ITPKA: variants seen among roughly 807,000 people sequenced by gnomAD.
The protein encoded by ITPKA is IP3 3-kinase A.
In ITPKA, 16 loss-of-function variants were observed where a neutral mutation model predicts 40.7. The ratio of observed to expected loss-of-function variants is 0.39; its 90% CI spans 0.27 to 0.60. The LOEUF (loss-of-function observed/expected upper bound fraction) is 0.60, where lower values mean the gene tolerates loss of function less well. Ranked by LOEUF, ITPKA falls within the 20% of genes least tolerant of loss-of-function variation. ITPKA has a pLI of 0.50. For missense variants in ITPKA, 540 were observed against 649.3 expected (o/e 0.83, Z 1.83); for synonymous variants, 313 against 289.9 (o/e 1.08, Z -0.81).
chr15:41,494,350 G>C lies in ITPKA; in HGVS notation c.423G>C (p.Leu141=), dbSNP rs1222655513. ...SSLLEDSEDD[L]LSDSESRSRG... ...TGCTCGAGGACTCGGAGGACGACCTGCTGAGCGACAGTGAGAGCCGGAGCC... is the reference window on the plus strand; with the variant it reads ...TGCTCGAGGACTCGGAGGACGACCTCCTGAGCGACAGTGAGAGCCGGAGCC... The change falls in exon 1 of 7, where the codon CTG becomes CTC. Residue 141 remains leucine (L), a synonymous_variant. Transcript: ENST00000260386. The surrounding 1 kb of genome is among the most constrained non-coding windows in gnomAD (Gnocchi z 7.8). The C allele has an allele frequency of 6.6e-7, 1 of 1,522,392 alleles. No individual in the cohort carries two copies. The highest frequency in any genetic ancestry group is 1.2e-5 in the South Asian group (1 of 81,574). The allele number at this position is 1,522,392 out of a possible 1,614,324, so 94.3% of individuals were successfully genotyped here. A position where few individuals can be genotyped will look rare whatever the true frequency, so the allele number is the denominator to read the frequency against.
At chr15:41,502,674 C>G in intron 5 of ITPKA, 114 bp from the exon 6 acceptor site, 1 of 1,094,144 alleles carries the variant, frequency 9.1e-7, no homozygotes, top group Non-Finnish European at 1.3e-6. Flanking sequence ...GGCCCTGGGT[C>G]CTCCTCCTGG....
Position 41,501,741 on chromosome 15 carries a change from G to C in ITPKA, c.693G>C (p.Val231=). ...RLMADALRGC[V]PAFHGVVERD... ...TGGCTGACGCGCTGCGCGGCTGCGT[G>C]CCTGCCTTCCACGGCGTGGTGGAGC... is the stretch of plus-strand genomic sequence containing the variant. Residue 231 remains valine (V), a synonymous_variant, in exon 3 of 7, where the codon GTG becomes GTC. Transcript: ENST00000260386. 1 of 1,612,198 alleles carries C rather than the reference G, an allele frequency of 6.2e-7. No individual in the cohort carries two copies. The highest frequency in any genetic ancestry group is 8.5e-7 in the Non-Finnish European group (1 of 1,179,650).
At chr15:41,499,267 C>A (rs1214474071) in intron 1 of ITPKA, among the ~76,000 whole-genome samples, 1 of 152,186 alleles carries the variant, frequency 6.6e-6, no homozygotes, top group Non-Finnish European at 1.5e-5. Flanking sequence ...TCTGGCTACA[C>A]CCCCAGATCC....
At chr15:41,500,244 C>T (rs2051100637) in intron 1 of ITPKA, among the ~76,000 whole-genome samples, 2 of 152,244 alleles carry the variant, frequency 1.3e-5, no homozygotes, top group Admixed American at 6.5e-5. Context: ...CAGGCATGAG[C>T]CACCTCGCCC....
At position 41,501,292 on chromosome 15, in the gene ITPKA, C is replaced by A. The variant is rs1020058029; in HGVS notation, c.490-171C>A. The A allele has an allele frequency of 6.2e-5, 90 of 1,440,532 alleles. No homozygotes were observed. The African/African-American group carries it at 1.1e-3, about 18-fold the overall frequency. The allele number at this position is 1,440,532 out of a possible 1,614,324, so 89.2% of individuals were successfully genotyped here. A position where few individuals can be genotyped will look rare whatever the true frequency, so the allele number is the denominator to read the frequency against. On this transcript the variant is annotated intron_variant, in intron 1 of 6. Transcript: ENST00000260386. Reference sequence around the variant, plus strand: ...TTCACTGCGCCTGTATCAGCACCCGCCACACAGGCGCACAAATAAACCTTC... The same window carrying A: ...TTCACTGCGCCTGTATCAGCACCCGACACACAGGCGCACAAATAAACCTTC...
chr15:41,500,450 G>C (rs1183366628), intron 1 of ITPKA, among the ~76,000 whole-genome samples: 2 of 152,218 alleles, frequency 1.3e-5, no homozygotes, highest in African/African-American at 2.4e-5. Context: ...CTGTGTACAG[G>C]TTTGTTTCTG....
intron 5 of ITPKA, 63 bp from the exon 6 acceptor site, chr15:41,502,725 G>T: frequency 6.2e-6 from 9 of 1,443,984 alleles, no homozygotes; most frequent in Non-Finnish European, 8.5e-6. Flanking sequence ...GCTCCTCATC[G>T]TTAGCAGGGG....
At chr15:41,495,309 C>T (rs2051063078) in intron 1 of ITPKA, among the ~76,000 whole-genome samples, 1 of 152,214 alleles carries the variant, frequency 6.6e-6, no homozygotes, top group Admixed American at 6.5e-5. Context: ...TTTAGATCCA[C>T]GTTTCGCAAG....
At chr15:41,496,623 C>T (rs1217764692) in intron 1 of ITPKA, among the ~76,000 whole-genome samples, 2 of 152,210 alleles carry the variant, frequency 1.3e-5, no homozygotes, top group Non-Finnish European at 2.9e-5. Context: ...GGGTGTTTGG[C>T]TCCTGTTCAT....
chr15:41,500,292 G>A (rs369947575), intron 1 of ITPKA, among the ~76,000 whole-genome samples: 2 of 152,188 alleles, frequency 1.3e-5, no homozygotes, highest in East Asian at 1.9e-4. Flanking sequence ...AGATTTCTAG[G>A]TCCAGATAAA....
intron 1 of ITPKA, 108 bp from the exon 2 acceptor site, chr15:41,501,355 C>T (rs962772234): frequency 2.0e-5 from 30 of 1,504,924 alleles, no homozygotes; most frequent in Non-Finnish European, 2.5e-5. Context: ...CATCCAGCCC[C>T]AGCTGCTTCC....
At chr15:41,496,691 C>T (rs1446599470) in intron 1 of ITPKA, among the ~76,000 whole-genome samples, 1 of 152,192 alleles carries the variant, frequency 6.6e-6, no homozygotes, top group Non-Finnish European at 1.5e-5. Context: ...GCCATCCCCT[C>T]CTGGACTCAG....
chr15:41,500,341 A>G (rs1182738337), intron 1 of ITPKA, among the ~76,000 whole-genome samples: 1 of 152,192 alleles, frequency 6.6e-6, no homozygotes, highest in African/African-American at 2.4e-5. Context: ...TAATGAGTGC[A>G]TAGAATCCAG....
intron 1 of ITPKA, among the ~76,000 whole-genome samples, chr15:41,500,255 A>G (rs575587094): frequency 6.6e-6 from 1 of 152,342 alleles, no homozygotes; most frequent in Admixed American, 6.5e-5. Flanking sequence ...CACCTCGCCC[A>G]GCCCGGCATC....
In ITPKA at chr15:41,502,441, C is replaced by T. The variant is rs574486119; in HGVS notation, c.1048C>T (p.Arg350Ter). 6.2e-7 allele frequency: 1 copy of T among 1,604,284 alleles called. No homozygotes were observed. The highest frequency in any genetic ancestry group is 1.1e-5 in the South Asian group (1 of 90,930). ...CTGCAGCACCGACTTCAAGACTACG[C>T]GAAGCCGAGAGCAGGTGCTTCGCGT... ...GSCSTDFKTT[R>*]SREQVLRVFE... Residue 350 changes from arginine to a stop codon, truncating the protein, a stop_gained, in exon 5 of 7, where the codon CGA becomes TGA. Coordinates refer to ENST00000260386, the MANE Select transcript of ITPKA (RefSeq NM_002220.3). LOFTEE classifies it high-confidence loss of function.
At chr15:41,501,231 G>A (rs1595449562) in intron 1 of ITPKA, 1 of 802,342 alleles carries the variant, frequency 1.2e-6, no homozygotes, top group South Asian at 5.6e-5. Context: ...GCTAAGTCCA[G>A]GCTCTTGACA....
At chr15:41,497,263 C>T (rs1413395176) in intron 1 of ITPKA, among the ~76,000 whole-genome samples, 1 of 152,144 alleles carries the variant, frequency 6.6e-6, no homozygotes, top group Non-Finnish European at 1.5e-5. Context: ...GTGTTAGTCT[C>T]CCAGAGAGGG....
At chr15:41,499,388 G>T (rs577683655) in intron 1 of ITPKA, among the ~76,000 whole-genome samples, 13 of 152,304 alleles carry the variant, frequency 8.5e-5, no homozygotes, top group African/African-American at 2.9e-4. Context: ...CATGCAATAG[G>T]CAGGTAGCAT....
At chr15:41,499,702 C>CA (rs1317012186) in intron 1 of ITPKA, among the ~76,000 whole-genome samples, 2 of 152,118 alleles carry the variant, frequency 1.3e-5, no homozygotes, top group African/African-American at 2.4e-5. Flanking sequence ...TGCTAAAAGG[C>CA]AAGTGCCTCT....
Sources: allele counts gnomAD v4.1 joint callset (sites outside exome capture counted in the v4.1 genomes callset), GRCh38; gene constraint gnomAD v4.1.1; non-coding constraint Gnocchi (gnomAD v3.1); transcripts MANE v1.5; gene names NCBI Gene and HGNC (gene_info 2026-07-23, HGNC 2026-07-21).